The following NELL1 variants were observed in gnomAD, a reference collection of about 807,000 sequenced individuals.
NELL1 encodes neural EGFL like 1.
In NELL1, 76 loss-of-function variants were observed where a neutral mutation model predicts 107.4. The ratio of observed to expected loss-of-function variants is 0.71; its 90% CI spans 0.59 to 0.86. The LOEUF is 0.86. NELL1 is among the 40% of genes least tolerant of loss of function. The pLI is 0.00. For missense variants in NELL1, 1,024 were observed against 1,005.5 expected, an observed-to-expected ratio of 1.02 and a Z score of -0.25; for synonymous variants, 353 against 341.2, an observed-to-expected ratio of 1.03 and a Z score of -0.38.
At chr11:20,744,725 T>C (rs769509913) in intron 2 of NELL1, among the ~76,000 whole-genome samples, 20 of 152,242 alleles carry the variant, frequency 1.3e-4, no homozygotes, top group Non-Finnish European at 2.8e-4. Flanking sequence ...CATCTATTTA[T>C]GCTCCATTGG....
intron 12 of NELL1, among the ~76,000 whole-genome samples, chr11:21,044,754 G>T (rs1200103411): frequency 6.6e-6 from 1 of 152,136 alleles, no homozygotes; most frequent in African/African-American, 2.4e-5. Context: ...ATGGTTGGAG[G>T]ATGAGAGTGT....
At chr11:20,945,071 A>G (rs185685502) in intron 10 of NELL1, among the ~76,000 whole-genome samples, 1 of 152,306 alleles carries the variant, frequency 6.6e-6, no homozygotes, top group East Asian at 1.9e-4. Flanking sequence ...TAACAGTTTG[A>G]TTTTTGACAG....
chr11:20,958,261 A>C (rs894553996), intron 11 of NELL1, among the ~76,000 whole-genome samples: 3 of 152,062 alleles, frequency 2.0e-5, no homozygotes, highest in Non-Finnish European at 4.4e-5. Flanking sequence ...CTCCAAAAAA[A>C]AAATTAGCTG....
chr11:20,794,567 G>A (rs1020065241), intron 3 of NELL1, among the ~76,000 whole-genome samples: 2 of 152,090 alleles, frequency 1.3e-5, no homozygotes, highest in African/African-American at 4.8e-5. Context: ...TTGGCATCTG[G>A]AGGCTGAATT....
chr11:21,008,960 A>G (rs983488932), intron 12 of NELL1, among the ~76,000 whole-genome samples: 1 of 152,154 alleles, frequency 6.6e-6, no homozygotes, highest in Non-Finnish European at 1.5e-5. Flanking sequence ...AGTAAGGTAG[A>G]GTCTCCAACG....
intron 3 of NELL1, among the ~76,000 whole-genome samples, chr11:20,841,761 C>G (rs1282345833): frequency 1.3e-5 from 2 of 151,628 alleles, no homozygotes; most frequent in African/African-American, 2.4e-5. Context: ...GCCATACACT[C>G]TAAGAGCCTT....
intron 4 of NELL1, among the ~76,000 whole-genome samples, chr11:20,873,188 C>T (rs1407265942): frequency 6.6e-6 from 1 of 152,144 alleles, no homozygotes; most frequent in Non-Finnish European, 1.5e-5. Context: ...CTAGGAGCAG[C>T]ACATTTTGCT....
intron 13 of NELL1, among the ~76,000 whole-genome samples, chr11:21,226,881 A>G (rs1356465413): frequency 3.3e-5 from 5 of 152,244 alleles, no homozygotes; most frequent in African/African-American, 1.2e-4. Context: ...AGATAAACCA[A>G]CTACATTGTG....
intron 3 of NELL1, among the ~76,000 whole-genome samples, chr11:20,799,954 C>T (rs1302856454): frequency 6.6e-6 from 1 of 152,082 alleles, no homozygotes; most frequent in Non-Finnish European, 1.5e-5. Context: ...TAAGAACATG[C>T]AATATTTGGT....
At chr11:20,960,349 A>T in intron 11 of NELL1, 83 bp from the exon 12 acceptor site, 1 of 1,389,346 alleles carries the variant, frequency 7.2e-7, no homozygotes, top group African/African-American at 1.4e-5. Flanking sequence ...AGTGACATAT[A>T]ATAAAAAATG....
chr11:21,067,589 A>G (rs893372940), intron 12 of NELL1, among the ~76,000 whole-genome samples: 4 of 152,208 alleles, frequency 2.6e-5, no homozygotes, highest in Non-Finnish European at 4.4e-5. Context: ...TCCTTGGGGA[A>G]AAAGATGTGT....
intron 12 of NELL1, among the ~76,000 whole-genome samples, chr11:21,065,426 C>T (rs969742382): frequency 1.3e-5 from 2 of 152,094 alleles, no homozygotes; most frequent in African/African-American, 2.4e-5. Context: ...TGCTATAATA[C>T]GGTCTGTTTA....
chr11:21,492,527 A>C (rs1175224132), intron 15 of NELL1, among the ~76,000 whole-genome samples: 1 of 151,946 alleles, frequency 6.6e-6, no homozygotes, highest in Non-Finnish European at 1.5e-5. Flanking sequence ...CTGGATTAAG[A>C]AAATGTGGCA....
chr11:21,444,059 A>C (rs940332703), intron 15 of NELL1, among the ~76,000 whole-genome samples: 1 of 152,138 alleles, frequency 6.6e-6, no homozygotes, highest in African/African-American at 2.4e-5. Context: ...TATGTATACA[A>C]ACTCCTCTCA....
intron 3 of NELL1, among the ~76,000 whole-genome samples, chr11:20,818,452 T>C (rs1857676276): frequency 6.8e-6 from 1 of 147,666 alleles, no homozygotes; most frequent in African/African-American, 2.5e-5. Context: ...AGGAAACTGC[T>C]ATTCAGAGAA....
chr11:21,538,622 G>A (rs1391048276), intron 16 of NELL1, among the ~76,000 whole-genome samples: 1 of 152,092 alleles, frequency 6.6e-6, no homozygotes, highest in Non-Finnish European at 1.5e-5. Context: ...TGATTTGTTG[G>A]CACTGTAGGG....
intron 5 of NELL1, among the ~76,000 whole-genome samples, chr11:20,888,570 T>C (rs1240642338): frequency 6.6e-6 from 1 of 152,038 alleles, no homozygotes; most frequent in Non-Finnish European, 1.5e-5. Flanking sequence ...GGGTAAGAAT[T>C]TTCTAAACTT....
intron 3 of NELL1, among the ~76,000 whole-genome samples, chr11:20,813,895 T>C (rs1456778766): frequency 6.6e-6 from 1 of 152,126 alleles, no homozygotes; most frequent in Non-Finnish European, 1.5e-5. Flanking sequence ...TCTCTAATTT[T>C]GTCTTTATCA....
intron 13 of NELL1, among the ~76,000 whole-genome samples, chr11:21,133,438 C>T (rs1855669887): frequency 1.3e-5 from 2 of 152,122 alleles, no homozygotes; most frequent in African/African-American, 2.4e-5. Flanking sequence ...GCCTGTCTGC[C>T]TCTTGCCACC....
Sources: gnomAD v4.1 joint callset for allele counts (sites outside exome capture counted in the v4.1 genomes callset) on GRCh38, gnomAD v4.1.1 for gene constraint, MANE v1.5 for transcripts, NCBI Gene and HGNC (gene_info 2026-07-23, HGNC 2026-07-21) for gene names.